NPAS3: variants seen among roughly 807,000 people sequenced by gnomAD.
NPAS3 encodes neuronal PAS domain protein 3.
NPAS3 carries 14 observed loss-of-function variants against 73.1 expected under a neutral mutation model. The ratio of observed to expected loss-of-function variants is 0.19; its 90% CI spans 0.13 to 0.30. The LOEUF is 0.30. NPAS3 is among the 10% of genes least tolerant of loss of function. The pLI, the probability that NPAS3 is intolerant of heterozygous loss-of-function variation, is 1.00. For missense variants in NPAS3, 1,096 were observed against 1,250.0 expected (o/e 0.88, Z 1.86); for synonymous variants, 620 against 541.5 (o/e 1.14, Z -2.01).
Position 33,521,178 on chromosome 14 carries a change from C to A in NPAS3, c.469-38943C>A, listed in dbSNP as rs146612358. 2.3e-3 allele frequency among the ~76,000 whole-genome samples: 347 copies of A among 152,208 alleles called. 1 individual carries two copies. The highest frequency in any genetic ancestry group is 0.01 in the Middle Eastern group (3 of 294). On this transcript the variant is annotated intron_variant, in intron 4 of 11. Coordinates refer to ENST00000356141, the Ensembl canonical transcript of NPAS3. Reference sequence around the variant, plus strand: ...AGGTGCTTTTCTATTCTAGGGAGATCTGCAGGGCACTTAACCTACATTAGA... The same window carrying A: ...AGGTGCTTTTCTATTCTAGGGAGATATGCAGGGCACTTAACCTACATTAGA...
intron 2 of NPAS3, among the ~76,000 whole-genome samples, chr14:33,199,321 T>A (rs1321868847): frequency 6.6e-6 from 1 of 152,138 alleles, no homozygotes; most frequent in Non-Finnish European, 1.5e-5. Context: ...TTTTGAAAAA[T>A]TTCTGATTAC....
chr14:33,775,889 C>T (rs2062799678), intron 8 of NPAS3, among the ~76,000 whole-genome samples: 1 of 152,182 alleles, frequency 6.6e-6, no homozygotes, highest in Non-Finnish European at 1.5e-5. Flanking sequence ...GTGTGCAAAG[C>T]TCATCACCTG....
chr14:33,415,545 C>T (rs2048111855), intron 4 of NPAS3, among the ~76,000 whole-genome samples: 1 of 152,052 alleles, frequency 6.6e-6, no homozygotes, highest in Admixed American at 6.6e-5. Flanking sequence ...GTAAATTGCC[C>T]TATATGTAAA....
At chr14:33,662,857 AATGGGGTTTTCCT>A (rs1261261021) in intron 5 of NPAS3, among the ~76,000 whole-genome samples, 5 of 147,450 alleles carry the variant, frequency 3.4e-5, no homozygotes, top group Admixed American at 6.7e-5. Flanking sequence ...GGGCTGAGAC[AATGGGGTTTTCCT>A]TTTTTTTTTT....
intron 1 of NPAS3, among the ~76,000 whole-genome samples, chr14:32,963,965 A>G (rs950364707): frequency 1.3e-5 from 2 of 151,992 alleles, no homozygotes; most frequent in Non-Finnish European, 2.9e-5. Context: ...GTTTTTCGCT[A>G]TCCTTCCTTG....
At chr14:33,166,976 T>A (rs1218874312) in intron 2 of NPAS3, among the ~76,000 whole-genome samples, 1 of 152,192 alleles carries the variant, frequency 6.6e-6, no homozygotes, top group Admixed American at 6.5e-5. Flanking sequence ...GATTTCCTTT[T>A]AATGTAATTT....
intron 4 of NPAS3, among the ~76,000 whole-genome samples, chr14:33,402,118 A>G (rs536822862): frequency 6.6e-6 from 1 of 152,156 alleles, no homozygotes; most frequent in African/African-American, 2.4e-5. Context: ...TTCTTGGTAC[A>G]AAGTCCTTCT....
intron 7 of NPAS3, among the ~76,000 whole-genome samples, chr14:33,743,089 A>G (rs1473974473): frequency 4.0e-5 from 6 of 151,732 alleles, no homozygotes; most frequent in Non-Finnish European, 8.8e-5. Context: ...ACTCCTGTTC[A>G]TGTGACCTCT....
At chr14:33,480,163 A>C (rs10137780) in intron 4 of NPAS3, among the ~76,000 whole-genome samples, 15,275 of 152,224 alleles carry the variant, frequency 0.1, 1,519 homozygotes, top group African/African-American at 0.26. Flanking sequence ...TCGCTGGGAT[A>C]GAGTAGGTCT....
chr14:33,769,874 C>G (rs1275227981), intron 7 of NPAS3, among the ~76,000 whole-genome samples: 1 of 143,210 alleles, frequency 7.0e-6, no homozygotes, highest in Non-Finnish European at 1.5e-5. Flanking sequence ...AAGCAATCCT[C>G]AAACCTCAGC....
chr14:33,633,435 C>T (rs1354321324), intron 5 of NPAS3, among the ~76,000 whole-genome samples: 2 of 152,188 alleles, frequency 1.3e-5, no homozygotes, highest in African/African-American at 4.8e-5. Flanking sequence ...CTGAGAAATG[C>T]ATCATTAGGC....
chr14:33,160,579 A>G (rs569520638), intron 2 of NPAS3, among the ~76,000 whole-genome samples: 7 of 151,600 alleles, frequency 4.6e-5, no homozygotes, highest in African/African-American at 1.5e-4. Context: ...AACATGGCAC[A>G]TGTATACATA....
At chr14:33,007,778 G>T (rs780386623) in intron 1 of NPAS3, among the ~76,000 whole-genome samples, 1 of 152,198 alleles carries the variant, frequency 6.6e-6, no homozygotes, top group African/African-American at 2.4e-5. Context: ...AATATTTCTG[G>T]CTTTGAGGGC....
intron 1 of NPAS3, among the ~76,000 whole-genome samples, chr14:32,995,835 G>C (rs1297011029): frequency 6.6e-6 from 1 of 152,196 alleles, no homozygotes; most frequent in Non-Finnish European, 1.5e-5. Context: ...TTTATCAGCA[G>C]TGTGAAAATG....
At chr14:33,147,867 C>T (rs1001555248) in intron 2 of NPAS3, among the ~76,000 whole-genome samples, 8 of 151,276 alleles carry the variant, frequency 5.3e-5, no homozygotes, top group Non-Finnish European at 1.2e-4. Context: ...AATAAAAACT[C>T]ATTATAAATA....
At chr14:33,052,576 A>T (rs2040748574) in intron 1 of NPAS3, among the ~76,000 whole-genome samples, 1 of 152,232 alleles carries the variant, frequency 6.6e-6, no homozygotes, top group Non-Finnish European at 1.5e-5. Flanking sequence ...ACGTTGCAAA[A>T]TATGATGTGT....
chr14:33,520,673 A>G (rs1443116782), intron 4 of NPAS3, among the ~76,000 whole-genome samples: 1 of 152,154 alleles, frequency 6.6e-6, no homozygotes, highest in Non-Finnish European at 1.5e-5. Flanking sequence ...TAAAAACAAC[A>G]CAATTATTTC....
chr14:33,061,712 T>C (rs2041107114), intron 2 of NPAS3, among the ~76,000 whole-genome samples: 1 of 152,220 alleles, frequency 6.6e-6, no homozygotes, highest in African/African-American at 2.4e-5. Context: ...GGTGCTTTTC[T>C]ACACGAACTG....
chr14:33,334,659 G>T (rs957222704), intron 3 of NPAS3, among the ~76,000 whole-genome samples: 12 of 152,044 alleles, frequency 7.9e-5, no homozygotes, highest in Non-Finnish European at 1.8e-4. Context: ...ACCATCTGAT[G>T]TTCAGGCAGT....
Sources: allele counts gnomAD v4.1 joint callset (sites outside exome capture counted in the v4.1 genomes callset), GRCh38; gene constraint gnomAD v4.1.1; transcripts MANE v1.5; gene names NCBI Gene and HGNC (gene_info 2026-07-23, HGNC 2026-07-21).